Variants in CAMK1G observed in about 807,000 individuals in gnomAD.
CAMK1G encodes calcium/calmodulin-dependent protein kinase type 1G.
Under a neutral mutation model 54.8 loss-of-function variants are expected in CAMK1G, and 27 were observed. The observed-to-expected ratio is 0.49, with a 90% CI of 0.36 to 0.68. The LOEUF (loss-of-function observed/expected upper bound fraction) is 0.68, where lower values mean the gene tolerates loss of function less well. Ranked by LOEUF, CAMK1G falls within the 30% of genes least tolerant of loss-of-function variation. CAMK1G has a pLI of 0.00. For synonymous variants in CAMK1G, 238 were observed against 224.9 expected (o/e 1.06, Z -0.52); for missense variants, 512 against 591.0 (o/e 0.87, Z 1.39).
chr1:209,602,794 T>G (rs1484594195), intron 3 of CAMK1G, among the ~76,000 whole-genome samples: 1 of 152,230 alleles, frequency 6.6e-6, no homozygotes, highest in Admixed American at 6.5e-5. Context: ...TCTTCTAGTC[T>G]CAAACATTTT....
intron 1 of CAMK1G, among the ~76,000 whole-genome samples, chr1:209,584,995 G>T (rs559767705): frequency 1.0e-3 from 155 of 152,300 alleles, no homozygotes; most frequent in Middle Eastern, 6.8e-3. Flanking sequence ...TTCCCCTTTA[G>T]TATAGATGAG....
intron 7 of CAMK1G, among the ~76,000 whole-genome samples, chr1:209,608,598 G>C (rs1051924646): frequency 6.6e-6 from 1 of 152,170 alleles, no homozygotes; most frequent in Non-Finnish European, 1.5e-5. Context: ...AGGTTCTAAA[G>C]AATCCCGCAG....
intron 1 of CAMK1G, among the ~76,000 whole-genome samples, chr1:209,591,114 A>G (rs1167337879): frequency 6.6e-6 from 1 of 151,928 alleles, no homozygotes; most frequent in East Asian, 1.9e-4. Context: ...TTCCTCAGAG[A>G]GATCTCCACC....
At chr1:209,603,144 GC>G (rs1665569182) in intron 3 of CAMK1G, 69 bp from the exon 4 acceptor site, 1 of 1,507,372 alleles carries the variant, frequency 6.6e-7, no homozygotes, top group African/African-American at 1.4e-5. Context: ...AAACTTTTGG[GC>G]TAGGTCTGCA....
At chr1:209,599,189 C>T (rs1468891481) in intron 2 of CAMK1G, among the ~76,000 whole-genome samples, 3 of 152,170 alleles carry the variant, frequency 2.0e-5, no homozygotes, top group African/African-American at 7.2e-5. Context: ...GGAAACTGCT[C>T]CCATGAGCCA....
At chr1:209,605,259 G>C (rs1237531974) in intron 4 of CAMK1G, among the ~76,000 whole-genome samples, 1 of 152,160 alleles carries the variant, frequency 6.6e-6, no homozygotes, top group East Asian at 1.9e-4. Context: ...TTGGCTTCTT[G>C]TGCAGCCCCA....
intron 2 of CAMK1G, among the ~76,000 whole-genome samples, chr1:209,597,571 A>G (rs1290263132): frequency 6.6e-6 from 1 of 152,204 alleles, no homozygotes; most frequent in African/African-American, 2.4e-5. Context: ...TTTAATTTCC[A>G]GTGTCTAATA....
At chr1:209,611,016 C>T (rs1487284370) in intron 9 of CAMK1G, among the ~76,000 whole-genome samples, 1 of 152,140 alleles carries the variant, frequency 6.6e-6, no homozygotes, top group East Asian at 1.9e-4. Flanking sequence ...GTGACTACCC[C>T]AGTGCCCTGT....
chr1:209,601,617 C>T (rs1043146734), intron 3 of CAMK1G, among the ~76,000 whole-genome samples: 1 of 152,146 alleles, frequency 6.6e-6, no homozygotes, highest in Non-Finnish European at 1.5e-5. Flanking sequence ...TGCCTTGTAT[C>T]AACAGTATTT....
At chr1:209,612,734 A>G in intron 11 of CAMK1G, 51 bp from the exon 12 acceptor site, 8 of 1,472,912 alleles carry the variant, frequency 5.4e-6, no homozygotes, top group Non-Finnish European at 6.7e-6. Context: ...TGCCCCATCG[A>G]CTCTTCTTCC....
chr1:209,609,337 G>A (rs1024241094), intron 8 of CAMK1G, among the ~76,000 whole-genome samples: 3 of 152,206 alleles, frequency 2.0e-5, no homozygotes, highest in South Asian at 4.1e-4. Flanking sequence ...GGAGATGGGG[G>A]GGCAGTTTAG....
chr1:209,592,361 A>AC (rs1558135595), intron 1 of CAMK1G, among the ~76,000 whole-genome samples: 1 of 149,102 alleles, frequency 6.7e-6, no homozygotes, highest in Non-Finnish European at 1.5e-5. Flanking sequence ...AAAAAAAAAA[A>AC]AAACTCCAGT....
At position 209,613,298 on chromosome 1, in the gene CAMK1G, A is replaced by T. The variant is rs191194806; in HGVS notation, c.*296A>T. The T allele has an allele frequency of 1.7e-3, 351 of 208,488 alleles. 1 individual carries two copies. Among genetic ancestry groups the T allele is most frequent in the Non-Finnish European group, 2.5e-3 (251 of 99,842 alleles). 12.9% of individuals were successfully genotyped at this position (208,488 alleles called of 1,614,324 possible). A position where few individuals can be genotyped will look rare whatever the true frequency, so the allele number is the denominator to read the frequency against. ...CTGCCTGCTCTATGCCCCACACCCTACGTGCCGTGGCTCTGTGCAGTGTAC... is the reference window on the plus strand; with the variant it reads ...CTGCCTGCTCTATGCCCCACACCCTTCGTGCCGTGGCTCTGTGCAGTGTAC... On this transcript the variant is annotated 3_prime_UTR_variant, in exon 13 of 13. Coordinates refer to ENST00000361322, the MANE Select transcript of CAMK1G (RefSeq NM_020439.3).
In CAMK1G at chr1:209,588,796, GGCATCT is replaced by G. The variant is rs896403725; in HGVS notation, c.-30+5027_-30+5032del. ...AAGGACAGAGAAGCTCCATGGAAGGGGCATCTGCCTCCTGGGCTCATGGCCCAAGCA... is the reference window on the plus strand; with the variant it reads ...AAGGACAGAGAAGCTCCATGGAAGGGGCCTCCTGGGCTCATGGCCCAAGCA... On this transcript the variant is annotated intron_variant, in intron 1 of 12. Coordinates refer to ENST00000361322, the MANE Select transcript of CAMK1G (RefSeq NM_020439.3). Among the ~76,000 whole-genome samples the G allele has an allele frequency of 3.9e-5, 6 of 152,296 alleles. No homozygotes were observed. The East Asian group carries it at 1.2e-3, about 29-fold the overall frequency.
intron 3 of CAMK1G, among the ~76,000 whole-genome samples, chr1:209,602,949 T>C (rs1665564459): frequency 6.6e-6 from 1 of 152,250 alleles, no homozygotes; most frequent in African/African-American, 2.4e-5. Context: ...TTAAAGAGAT[T>C]CCTGGCATAA....
At chr1:209,602,210 T>C (rs960284435) in intron 3 of CAMK1G, among the ~76,000 whole-genome samples, 78 of 152,274 alleles carry the variant, frequency 5.1e-4, no homozygotes, top group African/African-American at 1.9e-3. Flanking sequence ...CTGTGCAGTG[T>C]TGGATGTTTA....
intron 7 of CAMK1G, 26 bp downstream of exon 7, chr1:209,607,959 G>C (rs1423391378): frequency 6.3e-7 from 1 of 1,581,516 alleles, no homozygotes; most frequent in Admixed American, 1.7e-5. Context: ...CCTGGGTTCA[G>C]CTGATGAGAA....
rs1188217010 is a variant in CAMK1G at position 209,603,244 on chromosome 1, G to A, written c.252G>A (p.Glu84=). ...AGCATGAAAACATTGTGACCCTGGA[G>A]GACATCTATGAGAGCACCACCCACT... ...KIKHENIVTL[E]DIYESTTHYY... is the part of the protein sequence containing the mutation. Residue 84 remains glutamate, a synonymous_variant, in exon 4 of 13, where the codon GAG becomes GAA. Transcript: ENST00000361322. 1.9e-6 allele frequency: 3 copies of A among 1,614,024 alleles called. No individual in the cohort carries two copies. Among genetic ancestry groups the A allele is most frequent in the African/African-American group, 1.3e-5 (1 of 74,920 alleles).
At chr1:209,588,681 A>C (rs918332718) in intron 1 of CAMK1G, among the ~76,000 whole-genome samples, 21 of 152,166 alleles carry the variant, frequency 1.4e-4, no homozygotes, top group Middle Eastern at 3.2e-3. Context: ...GACCACAGTG[A>C]GGAGGCCACT....
Sources: allele counts gnomAD v4.1 joint callset (sites outside exome capture counted in the v4.1 genomes callset), GRCh38; gene constraint gnomAD v4.1.1; transcripts MANE v1.5; gene names NCBI Gene and HGNC (gene_info 2026-07-23, HGNC 2026-07-21).